The following CFAP52 variants were observed in gnomAD, a reference collection of about 807,000 sequenced individuals.
CFAP52 encodes the protein cilia and flagella associated protein 52.
Under a neutral mutation model 70.5 loss-of-function variants are expected in CFAP52, and 57 were observed. That is an observed-to-expected ratio of 0.81 (90% CI 0.65 to 1.01). The LOEUF (loss-of-function observed/expected upper bound fraction) is 1.01. Among genes scored for constraint, CFAP52 ranks in the 50% least tolerant of loss-of-function variants. CFAP52 has a pLI of 0.00. For missense variants in CFAP52, 785 were observed against 788.5 expected, an observed-to-expected ratio of 1.00 and a Z score of 0.05; for synonymous variants, 267 against 292.5, an observed-to-expected ratio of 0.91 and a Z score of 0.89.
intron 1 of CFAP52, 140 bp from the exon 2 acceptor site, chr17:9,585,633 T>C (rs751546741): frequency 3.9e-5 from 33 of 849,198 alleles, no homozygotes; most frequent in Non-Finnish European, 6.1e-5. Context: ...GACTGCACCA[T>C]TGCACCCCAG....
At chr17:9,630,581 T>C (rs113537068) in intron 9 of CFAP52, among the ~76,000 whole-genome samples, 37,401 of 148,444 alleles carry the variant, frequency 0.25, 6,158 homozygotes, top group African/African-American at 0.47. Context: ...AGGCGCCCGC[T>C]ACCACGCCCG....
chr17:9,631,056 A>AGAG lies in CFAP52; in HGVS notation c.1175-1832_1175-1831insGAG, dbSNP rs1229380118. Among the ~76,000 whole-genome samples, 30 of 70,876 alleles carry AGAG rather than the reference A, an allele frequency of 4.2e-4. 1 individual carries two copies. The highest frequency in any genetic ancestry group is 1.4e-3 in the African/African-American group (20 of 14,554). 46.5% of individuals were successfully genotyped at this position (70,876 alleles called of 152,430 possible). Reference sequence around the variant, plus strand: ...AGAGAGAGAGAGAGAGAGAGAGAGAAAGAAAGAAAGAAAGAAAGAAAGAAA... The same window carrying AGAG: ...AGAGAGAGAGAGAGAGAGAGAGAGAAGAGAGAAAGAAAGAAAGAAAGAAAGAAA... On this transcript the variant is annotated intron_variant, in intron 9 of 13. Transcript: ENST00000352665.
At chr17:9,594,945 C>A (rs1208336716) in intron 4 of CFAP52, among the ~76,000 whole-genome samples, 1 of 132,090 alleles carries the variant, frequency 7.6e-6, no homozygotes, top group Non-Finnish European at 1.5e-5. Flanking sequence ...GGCTGTAGTG[C>A]GGTGGCATGA....
rs1406817920 is a variant in CFAP52, at chr17:9,643,093, C to T, written c.1758C>T (p.His586=). 3 of 1,613,348 alleles carry T rather than the reference C, an allele frequency of 1.9e-6. No homozygotes were observed. Among genetic ancestry groups the T allele is most frequent in the Admixed American group, 3.3e-5 (2 of 59,874 alleles). The change falls in exon 14 of 14, where the codon CAC becomes CAT. Residue 586 remains histidine, a synonymous_variant. Transcript: ENST00000352665. ...AAGTGACTCACGTTGGGGTGGGACA[C>T]AGTGGCAACATCACACGCATCCGCA... ...EGEVTHVGVG[H]SGNITRIRIS... is the part of the protein sequence containing the mutation.
chr17:9,602,147 T>A (rs936148290), intron 6 of CFAP52, among the ~76,000 whole-genome samples: 1 of 152,180 alleles, frequency 6.6e-6, no homozygotes, highest in Admixed American at 6.6e-5. Context: ...TTATTATACT[T>A]CATACATGTG....
At chr17:9,633,833 C>G (rs564915459) in intron 10 of CFAP52, among the ~76,000 whole-genome samples, 1 of 151,554 alleles carries the variant, frequency 6.6e-6, no homozygotes, top group East Asian at 2.0e-4. Flanking sequence ...CCTGCCACCA[C>G]GCCCAGCTAA....
At chr17:9,595,276 A>C (rs1286925645) in intron 4 of CFAP52, among the ~76,000 whole-genome samples, 1 of 152,200 alleles carries the variant, frequency 6.6e-6, no homozygotes, top group African/African-American at 2.4e-5. Flanking sequence ...CATCTTGGAA[A>C]GGTACACATG....
chr17:9,600,224 C>T, intron 6 of CFAP52, 41 bp downstream of exon 6: 1 of 1,525,550 alleles, frequency 6.6e-7, no homozygotes, highest in Middle Eastern at 1.7e-4. Context: ...ATTTTTCTCC[C>T]TTCACTGGCA....
rs201604779 is a variant in CFAP52, at chr17:9,608,125, T to C, written c.760T>C (p.Ser254Pro). ...PAKDKFSLGV[S>P]AIRCLKMGGL... Reference sequence around the variant, plus strand: ...ACACAGTTTTTCCCCCTAGGGAGTGTCAGCTATCAGGTGCCTGAAGATGGG... The same window carrying C: ...ACACAGTTTTTCCCCCTAGGGAGTGCCAGCTATCAGGTGCCTGAAGATGGG... The change falls in exon 7 of 14, where the codon TCA becomes CCA. Residue 254 changes from serine (S) to proline (P), a missense_variant. By Grantham distance (74) the Ser-to-Pro change is moderately conservative (BLOSUM62 -1). Coordinates refer to ENST00000352665, the MANE Select transcript of CFAP52 (RefSeq NM_145054.5). 41 of 1,611,780 alleles carry C rather than the reference T, an allele frequency of 2.5e-5. 1 individual carries two copies. In the South Asian group the frequency reaches 4.2e-4, roughly 16 times the overall value.
chr17:9,625,272 T>C (rs2151946475), intron 8 of CFAP52, among the ~76,000 whole-genome samples: 1 of 152,216 alleles, frequency 6.6e-6, no homozygotes, highest in South Asian at 2.1e-4. Context: ...ATTCCCCCCA[T>C]ACATATATAA....
intron 3 of CFAP52, among the ~76,000 whole-genome samples, chr17:9,590,881 A>T (rs1037827729): frequency 6.6e-6 from 1 of 152,112 alleles, no homozygotes; most frequent in Non-Finnish European, 1.5e-5. Context: ...AGAAGGGTGG[A>T]GTTCTGCTGA....
rs1911173243 is a variant in CFAP52 at position 9,643,283 on chromosome 17, T to C, written c.*85T>C. On this transcript the variant is annotated 3_prime_UTR_variant, in exon 14 of 14. Coordinates refer to ENST00000352665, the MANE Select transcript of CFAP52 (RefSeq NM_145054.5). ...AGATAACTCCAACACTAGTCTTCAT[T>C]TCTCACAGCTCTGTTTTTGTTCTTG... 1 of 1,196,654 alleles carries C rather than the reference T, an allele frequency of 8.4e-7. No individual in the cohort carries two copies. The highest frequency in any genetic ancestry group is 1.1e-6 in the Non-Finnish European group (1 of 910,894). The allele number at this position is 1,196,654 out of a possible 1,614,324, so 74.1% of individuals were successfully genotyped here. A position where few individuals can be genotyped will look rare whatever the true frequency, so the allele number is the denominator to read the frequency against.
At chr17:9,592,042 T>C (rs1908785609) in intron 3 of CFAP52, among the ~76,000 whole-genome samples, 1 of 152,202 alleles carries the variant, frequency 6.6e-6, no homozygotes, top group Non-Finnish European at 1.5e-5. Flanking sequence ...TTTTTTTAAT[T>C]GAAATACATT....
At chr17:9,587,743 T>A (rs1908561067) in intron 3 of CFAP52, among the ~76,000 whole-genome samples, 1 of 152,188 alleles carries the variant, frequency 6.6e-6, no homozygotes, top group Non-Finnish European at 1.5e-5. Context: ...TTATTTAAGT[T>A]CTGTATAGAT....
At chr17:9,631,045 A>C (rs1597793341) in intron 9 of CFAP52, among the ~76,000 whole-genome samples, 2 of 91,836 alleles carry the variant, frequency 2.2e-5, no homozygotes, top group East Asian at 1.0e-3. Flanking sequence ...AGAGAGAGAG[A>C]GAGAGAGAGA....
At chr17:9,587,984 G>A (rs866775992) in intron 3 of CFAP52, among the ~76,000 whole-genome samples, 16 of 152,158 alleles carry the variant, frequency 1.1e-4, no homozygotes, top group African/African-American at 3.4e-4. Context: ...GTGCCTGGGT[G>A]TACCTTCCAA....
intron 3 of CFAP52, among the ~76,000 whole-genome samples, chr17:9,593,485 T>C (rs1908855809): frequency 6.6e-6 from 1 of 152,202 alleles, no homozygotes; most frequent in Non-Finnish European, 1.5e-5. Context: ...AGACGCAGTC[T>C]CGCTCTCTTG....
At chr17:9,625,766 A>C (rs1219752618) in intron 8 of CFAP52, among the ~76,000 whole-genome samples, 1 of 152,114 alleles carries the variant, frequency 6.6e-6, no homozygotes, top group Non-Finnish European at 1.5e-5. Context: ...TGTCATTAAG[A>C]TTTTGTTATT....
intron 8 of CFAP52, among the ~76,000 whole-genome samples, chr17:9,626,137 A>T (rs1341133344): frequency 1.3e-5 from 2 of 152,200 alleles, no homozygotes; most frequent in Non-Finnish European, 2.9e-5. Flanking sequence ...CAGACCCTAA[A>T]CTAAGAACAA....
Sources: allele counts gnomAD v4.1 joint callset (sites outside exome capture counted in the v4.1 genomes callset), GRCh38; gene constraint gnomAD v4.1.1; transcripts MANE v1.5; gene names NCBI Gene and HGNC (gene_info 2026-07-23, HGNC 2026-07-21).